Variants in ARHGAP44 observed in about 807,000 individuals in gnomAD.
ARHGAP44 encodes rho GTPase-activating protein 44.
In ARHGAP44, 43 loss-of-function variants were observed where a neutral mutation model predicts 106.8. The observed-to-expected ratio is 0.40, with a 90% CI of 0.32 to 0.52. The LOEUF is 0.52. Among genes scored for constraint, ARHGAP44 ranks in the 20% least tolerant of loss-of-function variants. The probability of loss-of-function intolerance (pLI) is 0.48; values close to 1 mark genes in which losing one functional copy is unlikely to be tolerated. For missense variants in ARHGAP44, 866 were observed against 1,050.5 expected, an observed-to-expected ratio of 0.82 and a Z score of 2.43; for synonymous variants, 439 against 410.3, an observed-to-expected ratio of 1.07 and a Z score of -0.85.
At chr17:12,970,879 G>A (rs1050643225) in intron 16 of ARHGAP44, among the ~76,000 whole-genome samples, 1 of 152,196 alleles carries the variant, frequency 6.6e-6, no homozygotes, top group African/African-American at 2.4e-5. Context: ...TTCAGGTTGA[G>A]TTTTATCTAG....
At chr17:12,928,801 C>A in intron 6 of ARHGAP44, 128 bp from the exon 7 acceptor site, 1 of 746,932 alleles carries the variant, frequency 1.3e-6, no homozygotes, top group Non-Finnish European at 2.1e-6. Context: ...CTTTTCATGA[C>A]CTCCCTTTTC....
chr17:12,878,638 G>T, intron 1 of ARHGAP44, among the ~76,000 whole-genome samples: 1 of 152,222 alleles, frequency 6.6e-6, no homozygotes, highest in East Asian at 1.9e-4. Flanking sequence ...AGGCCGCTGC[G>T]TTTCCTTGAA....
chr17:12,854,150 G>C (rs911746997), intron 1 of ARHGAP44, among the ~76,000 whole-genome samples: 2 of 152,140 alleles, frequency 1.3e-5, no homozygotes, highest in African/African-American at 4.8e-5. Context: ...CTTCCCAGAT[G>C]ACCTCAGTCC....
At position 12,841,635 on chromosome 17, in the gene ARHGAP44, C is replaced by CAA. The variant is rs1232144002; in HGVS notation, c.53+51745_53+51746insAA. On this transcript the variant is annotated intron_variant, in intron 1 of 20. Coordinates refer to ENST00000379672, the MANE Select transcript of ARHGAP44 (RefSeq NM_014859.6). ...ACACACACACACACACACACACACA[C>CAA]ACACAAACAAACAAACAAAAACCAC... is the stretch of plus-strand genomic sequence containing the variant. 6.9e-4 allele frequency among the ~76,000 whole-genome samples: 61 copies of CAA among 87,830 alleles called. 1 individual carries two copies. The highest frequency in any genetic ancestry group is 2.0e-3 in the African/African-American group (52 of 25,412). The allele number at this position is 87,830 out of a possible 152,430, so 57.6% of individuals were successfully genotyped here.
intron 16 of ARHGAP44, among the ~76,000 whole-genome samples, chr17:12,960,511 A>C (rs1207220174): frequency 6.6e-6 from 1 of 151,734 alleles, no homozygotes; most frequent in Non-Finnish European, 1.5e-5. Flanking sequence ...GGTTGCAGTG[A>C]GCTGAGATCG....
At chr17:12,989,437 GCTC>G (rs907905764) in intron 20 of ARHGAP44, among the ~76,000 whole-genome samples, 8 of 152,266 alleles carry the variant, frequency 5.3e-5, no homozygotes, top group African/African-American at 1.9e-4. Context: ...ACCTTTTAAT[GCTC>G]CTAATAAATA....
intron 3 of ARHGAP44, among the ~76,000 whole-genome samples, chr17:12,901,799 T>C (rs1020931928): frequency 3.3e-5 from 5 of 152,118 alleles, no homozygotes; most frequent in African/African-American, 1.2e-4. Flanking sequence ...AGAATGGTAC[T>C]GTAAATCCAC....
At chr17:12,904,217 C>A (rs919859407) in intron 3 of ARHGAP44, among the ~76,000 whole-genome samples, 1 of 152,130 alleles carries the variant, frequency 6.6e-6, no homozygotes, top group Admixed American at 6.5e-5. Flanking sequence ...AGCGATTCTC[C>A]TGCCTCAGCC....
At chr17:12,867,433 A>C (rs535935151) in intron 1 of ARHGAP44, among the ~76,000 whole-genome samples, 2 of 152,212 alleles carry the variant, frequency 1.3e-5, no homozygotes, top group East Asian at 3.9e-4. Context: ...CCTCTCACCA[A>C]AGTGAATTGT....
At chr17:12,975,594 C>A (rs948391023) in intron 18 of ARHGAP44, among the ~76,000 whole-genome samples, 7 of 151,746 alleles carry the variant, frequency 4.6e-5, no homozygotes, top group Non-Finnish European at 8.8e-5. Context: ...GTCAGGAGAT[C>A]GAGACCATCC....
chr17:12,937,110 TTTG>T (rs2038571235), intron 7 of ARHGAP44, among the ~76,000 whole-genome samples: 1 of 152,178 alleles, frequency 6.6e-6, no homozygotes, highest in Non-Finnish European at 1.5e-5. Context: ...TGCCTCTCAT[TTTG>T]TTGTTGTTTT....
chr17:12,847,995 T>G (rs2035621822), intron 1 of ARHGAP44, among the ~76,000 whole-genome samples: 1 of 152,214 alleles, frequency 6.6e-6, no homozygotes, highest in African/African-American at 2.4e-5. Context: ...ATTATTAGTG[T>G]GCACTTTTGC....
At position 12,974,272 on chromosome 17, in the gene ARHGAP44, A is replaced by ATCCGGCCTGGGCC. The variant is rs1423826108; in HGVS notation, c.1729_1741dup (p.Gln581ArgfsTer155). 1 of 1,498,120 alleles carries ATCCGGCCTGGGCC rather than the reference A, an allele frequency of 6.7e-7. No homozygotes were observed. The highest frequency in any genetic ancestry group is 8.9e-7 in the Non-Finnish European group (1 of 1,127,368). The allele number at this position is 1,498,120 out of a possible 1,614,324, so 92.8% of individuals were successfully genotyped here. The stretch of plus-strand genomic sequence containing the variant: ...GCCCCGCGGCCCCCGCGCTCTCTCC[A>ATCCGGCCTGGGCC]TCCGGCCTGGGCCTCCAGCCTGGGC... On this transcript the variant is annotated frameshift_variant, in exon 18 of 21. Transcript: ENST00000379672. LOFTEE classifies it high-confidence loss of function.
In ARHGAP44 at chr17:12,789,681, G is replaced by C. The variant is rs1343333029; in HGVS notation, c.-158G>C. 4.2e-6 allele frequency: 2 copies of C among 478,214 alleles called. No individual in the cohort carries two copies. Among genetic ancestry groups the C allele is most frequent in the South Asian group, 9.7e-5 (1 of 10,324 alleles). 29.6% of individuals were successfully genotyped at this position (478,214 alleles called of 1,614,324 possible). A position where few individuals can be genotyped will look rare whatever the true frequency, so the allele number is the denominator to read the frequency against. ...GGGAGGAGTAGGCGGCGGCGCCCTC[G>C]GGAGGGAGCTGCGCGCGGGCCAGAC... is the stretch of plus-strand genomic sequence containing the variant. On this transcript the variant is annotated 5_prime_UTR_variant, in exon 1 of 21. Transcript: ENST00000379672.
At chr17:12,791,060 G>T (rs1006714319) in intron 1 of ARHGAP44, among the ~76,000 whole-genome samples, 15 of 152,114 alleles carry the variant, frequency 9.9e-5, no homozygotes, top group Admixed American at 9.2e-4. Context: ...CATCCCTGGG[G>T]AATAGGGGAC....
chr17:12,919,954 A>G (rs56974323), intron 6 of ARHGAP44, 123 bp downstream of exon 6: 102,858 of 713,726 alleles, frequency 0.14, 14,008 homozygotes, highest in African/African-American at 0.5. Context: ...CCTAACGTGT[A>G]CCAGGCACTG....
At chr17:12,937,405 C>A (rs1290250668) in intron 7 of ARHGAP44, among the ~76,000 whole-genome samples, 1 of 152,126 alleles carries the variant, frequency 6.6e-6, no homozygotes, top group Non-Finnish European at 1.5e-5. Context: ...AAGTGGGTCC[C>A]CCTGGAGGAT....
At chr17:12,919,522 A>G (rs1415990873) in intron 5 of ARHGAP44, among the ~76,000 whole-genome samples, 1 of 151,906 alleles carries the variant, frequency 6.6e-6, no homozygotes, top group Non-Finnish European at 1.5e-5. Flanking sequence ...AGTAACTGGA[A>G]TTACAGGCGC....
chr17:12,870,150 G>A (rs1486497450), intron 1 of ARHGAP44, among the ~76,000 whole-genome samples: 1 of 145,766 alleles, frequency 6.9e-6, no homozygotes, highest in Non-Finnish European at 1.5e-5. Context: ...CCAGGCTCCA[G>A]AGATCCTCCC....
Sources: allele counts gnomAD v4.1 joint callset (sites outside exome capture counted in the v4.1 genomes callset), GRCh38; gene constraint gnomAD v4.1.1; transcripts MANE v1.5; gene names NCBI Gene and HGNC (gene_info 2026-07-23, HGNC 2026-07-21).